SLC1A2: variants seen among roughly 807,000 people sequenced by gnomAD.
SLC1A2 encodes the protein excitatory amino acid transporter 2.
Under a neutral mutation model 48.8 loss-of-function variants are expected in SLC1A2, and 15 were observed. The observed-to-expected ratio is 0.31, with a 90% CI of 0.21 to 0.47. The LOEUF (loss-of-function observed/expected upper bound fraction) is 0.47, where lower values mean the gene tolerates loss of function less well. SLC1A2 is among the 20% of genes least tolerant of loss of function. SLC1A2 has a pLI of 0.99. For missense variants in SLC1A2, 502 were observed against 730.5 expected (o/e 0.69, Z 3.61); for synonymous variants, 279 against 272.6 (o/e 1.02, Z -0.23).
upstream of SLC1A2, chr11:35,420,174 C>G (rs1762842197): frequency 2.7e-5 from 5 of 183,934 alleles, no homozygotes; most frequent in South Asian, 3.9e-4. Context: ...AGGTCGGCCT[C>G]GTGGGTGCCG....
At chr11:35,327,778 A>T (rs1406988256) in intron 1 of SLC1A2, among the ~76,000 whole-genome samples, 1 of 152,266 alleles carries the variant, frequency 6.6e-6, no homozygotes, top group East Asian at 1.9e-4. Context: ...ATGAAAAGAC[A>T]GAAGCTCCAG....
At chr11:35,366,366 G>A (rs182682603) in intron 1 of SLC1A2, among the ~76,000 whole-genome samples, 11 of 152,218 alleles carry the variant, frequency 7.2e-5, no homozygotes, top group African/African-American at 1.4e-4. Context: ...GTGCTTTCTC[G>A]GAAGCTAGAA....
At chr11:35,403,503 A>G (rs545796527) in intron 1 of SLC1A2, among the ~76,000 whole-genome samples, 1 of 152,226 alleles carries the variant, frequency 6.6e-6, no homozygotes, top group Non-Finnish European at 1.5e-5. Context: ...GCTGCCCTGT[A>G]GGACTGGCTA....
chr11:35,414,636 C>T (rs1041842789), intron 1 of SLC1A2, among the ~76,000 whole-genome samples: 1 of 152,078 alleles, frequency 6.6e-6, no homozygotes, highest in African/African-American at 2.4e-5. Flanking sequence ...CCTGCCTGGC[C>T]CCCAACAAGC....
intron 1 of SLC1A2, chr11:35,413,814 A>C (rs1855533022): frequency 6.6e-6 from 1 of 152,236 alleles, no homozygotes; most frequent in Non-Finnish European, 1.5e-5. Context: ...GCAGAACCAC[A>C]TGACAGAAAG....
rs183373475 is a variant in SLC1A2 at position 35,266,039 on chromosome 11, C to T, written c.1422-281G>A. On this transcript the variant is annotated intron_variant, in intron 9 of 10. Transcript: ENST00000278379. ...CTGGCAAATGGTAAACACCAATAAC[C>T]AGTAGCAAAGGAAAAGGAGGAGGAG... Among the ~76,000 whole-genome samples, 384 of 152,178 alleles carry T rather than the reference C, an allele frequency of 2.5e-3. 2 individuals carry two copies. Among genetic ancestry groups the T allele is most frequent in the African/African-American group, 8.6e-3 (359 of 41,518 alleles).
chr11:35,265,453 G>GTTTTT (rs35055326), intron 10 of SLC1A2, 74 bp downstream of exon 10: 2 of 684,960 alleles, frequency 2.9e-6, no homozygotes, highest in Admixed American at 5.0e-5. Flanking sequence ...GGGCTTTACG[G>GTTTTT]TTTTTTTTTT....
At chr11:35,326,660 C>G (rs1852262378) in intron 1 of SLC1A2, among the ~76,000 whole-genome samples, 1 of 152,216 alleles carries the variant, frequency 6.6e-6, no homozygotes, top group Non-Finnish European at 1.5e-5. Context: ...GAAGGCAAGT[C>G]ACTACCATGA....
chr11:35,334,814 A>ATTTTGTTTTGTTTTGTTTTGTTTTG (rs10611656), intron 1 of SLC1A2, among the ~76,000 whole-genome samples: 1 of 146,982 alleles, frequency 6.8e-6, no homozygotes, highest in Non-Finnish European at 1.5e-5. Context: ...CTGGAGAGCA[A>ATTTTGTTTTGTTTTGTTTTGTTTTG]TTTTGTTTTG....
At chr11:35,400,653 T>C (rs1363211290) in intron 1 of SLC1A2, among the ~76,000 whole-genome samples, 33 of 152,314 alleles carry the variant, frequency 2.2e-4, no homozygotes, top group Non-Finnish European at 1.0e-4. Flanking sequence ...TATAGGTATA[T>C]CCATGAAAAA....
At chr11:35,406,579 A>G (rs10742344) in intron 1 of SLC1A2, among the ~76,000 whole-genome samples, 87,599 of 151,834 alleles carry the variant, frequency 0.58, 25,639 homozygotes, top group Middle Eastern at 0.69. Flanking sequence ...GGGCAAGACC[A>G]TGGGATATCT....
rs78059237 is a variant in SLC1A2, at chr11:35,375,664, C to T, written c.17+43286G>A. Among the ~76,000 whole-genome samples the T allele has an allele frequency of 1.6e-3, 241 of 152,256 alleles. 1 individual carries two copies. Among genetic ancestry groups the T allele is most frequent in the African/African-American group, 5.5e-3 (230 of 41,542 alleles). ...AAACCCCAGGTCCTTGCTGCAAAGTCGTCACTCTGGTCAGAGCCACACAAG... is the reference window on the plus strand; with the variant it reads ...AAACCCCAGGTCCTTGCTGCAAAGTTGTCACTCTGGTCAGAGCCACACAAG... On this transcript the variant is annotated intron_variant, in intron 1 of 10. Coordinates refer to ENST00000278379, the MANE Select transcript of SLC1A2 (RefSeq NM_004171.4).
intron 1 of SLC1A2, among the ~76,000 whole-genome samples, chr11:35,375,061 G>T (rs969774116): frequency 6.6e-6 from 1 of 152,114 alleles, no homozygotes; most frequent in Non-Finnish European, 1.5e-5. Context: ...TTTAAAAACC[G>T]CAGTTTTCAA....
intron 1 of SLC1A2, among the ~76,000 whole-genome samples, chr11:35,407,224 A>G (rs759331945): frequency 7.9e-5 from 12 of 152,148 alleles, no homozygotes; most frequent in African/African-American, 1.2e-4. Context: ...TGTGGACTTG[A>G]CCATCTAGGC....
chr11:35,317,364 T>A lies in SLC1A2; in HGVS notation c.157+13A>T, dbSNP rs1327123381. On this transcript the variant is annotated intron_variant, in intron 2 of 10. Transcript: ENST00000278379. The stretch of plus-strand genomic sequence containing the variant: ...GAAGAGGGGGCTGGGGGTGGGGTAG[T>A]GCAGGTACCTACCAAACACCGTCAG... 1.2e-6 allele frequency: 2 copies of A among 1,613,278 alleles called. No homozygotes were observed. The highest frequency in any genetic ancestry group is 1.7e-6 in the Non-Finnish European group (2 of 1,179,510).
intron 9 of SLC1A2, among the ~76,000 whole-genome samples, chr11:35,275,489 T>C (rs755094687): frequency 6.6e-6 from 1 of 152,224 alleles, no homozygotes; most frequent in Non-Finnish European, 1.5e-5. Context: ...CGCAAAGGGC[T>C]TCCTGGACCC....
intron 8 of SLC1A2, 67 bp downstream of exon 8, chr11:35,286,690 C>T (rs1272576599): frequency 8.4e-7 from 1 of 1,193,260 alleles, no homozygotes. Flanking sequence ...TGGCCTCTGT[C>T]ACATGGAGTT....
At chr11:35,314,964 T>A (rs1203554907) in intron 3 of SLC1A2, 59 bp downstream of exon 3, 8 of 1,282,818 alleles carry the variant, frequency 6.2e-6, no homozygotes, top group Non-Finnish European at 9.0e-6. Flanking sequence ...CTACAGTTAA[T>A]TAAAAGCCAG....
chr11:35,278,269 TTTTG>T lies in SLC1A2; in HGVS notation c.1421+2594_1421+2597del, dbSNP rs1367722294. ...GGAGCCACTTCTTACTTCTGTTTTT[TTTTG>T]TTTTTTTTTTTTTTTTTTTTAGATG... On this transcript the variant is annotated intron_variant, in intron 9 of 10. Coordinates refer to ENST00000278379, the MANE Select transcript of SLC1A2 (RefSeq NM_004171.4). Among the ~76,000 whole-genome samples, 94 of 122,506 alleles carry T rather than the reference TTTTG, an allele frequency of 7.7e-4. 5 individuals are homozygous for T. Among genetic ancestry groups the T allele is most frequent in the Admixed American group, 1.2e-3 (12 of 9,790 alleles). The allele number at this position is 122,506 out of a possible 152,430, so 80.4% of individuals were successfully genotyped here.
Sources: allele counts gnomAD v4.1 joint callset (sites outside exome capture counted in the v4.1 genomes callset), GRCh38; gene constraint gnomAD v4.1.1; transcripts MANE v1.5; gene names NCBI Gene and HGNC (gene_info 2026-07-23, HGNC 2026-07-21).